MORN3: variants seen among roughly 807,000 people sequenced by gnomAD.
MORN3 encodes the protein MORN repeat-containing protein 3.
A neutral mutation model predicts 34.7 loss-of-function variants in MORN3; 38 were observed. That is an observed-to-expected ratio of 1.10 (90% CI 0.85 to 1.44). The LOEUF (loss-of-function observed/expected upper bound fraction) is 1.44. Ranked by LOEUF, MORN3 falls within the 40% of genes most tolerant of loss-of-function variation. The pLI, the probability that MORN3 is intolerant of heterozygous loss-of-function variation, is 0.00. For missense variants in MORN3, 311 were observed against 321.7 expected (o/e 0.97, Z 0.25); for synonymous variants, 109 against 115.3 (o/e 0.95, Z 0.35).
chr12:121,664,167 C>T (rs1019293691), intron 1 of MORN3, among the ~76,000 whole-genome samples: 3 of 152,134 alleles, frequency 2.0e-5, no homozygotes, highest in Non-Finnish European at 4.4e-5. Flanking sequence ...AAAATGGAGA[C>T]ATGGAGGGAG....
At position 121,651,587 on chromosome 12, in the gene MORN3, A is replaced by G. The variant is rs376266098; in HGVS notation, c.*64T>C. On this transcript the variant is annotated 3_prime_UTR_variant, in exon 6 of 6. Transcript: ENST00000355329. The stretch of plus-strand genomic sequence containing the variant: ...TGCTGACTCCTCCAGCCAGAGCCGC[A>G]CTGGTCTGAGCGATCGGGTGACACA... The G allele has an allele frequency of 2.0e-5, 3 of 152,506 alleles. No homozygotes were observed. Among genetic ancestry groups the G allele is most frequent in the East Asian group, 3.9e-4 (2 of 5,176 alleles). The allele number at this position is 152,506 out of a possible 1,614,324, so 9.4% of individuals were successfully genotyped here. A position where few individuals can be genotyped will look rare whatever the true frequency, so the allele number is the denominator to read the frequency against.
chr12:121,663,198 A>AC lies in MORN3; in HGVS notation c.146-3851dup, dbSNP rs1274909900. On this transcript the variant is annotated intron_variant, in intron 1 of 5. Transcript: ENST00000355329. ...TTGTACTAATAATTTCGAAATGTAGACTTTTTTTTTTTTTTTTGAGACAGA... is the reference window on the plus strand; with the variant it reads ...TTGTACTAATAATTTCGAAATGTAGACCTTTTTTTTTTTTTTTTGAGACAGA... Among the ~76,000 whole-genome samples the AC allele has an allele frequency of 3.3e-4, 47 of 141,676 alleles. No homozygotes were observed. The East Asian group carries it at 9.4e-3, about 28-fold the overall frequency. The allele number at this position is 141,676 out of a possible 152,430, so 92.9% of individuals were successfully genotyped here.
chr12:121,653,727 C>T (rs571405052), intron 3 of MORN3, among the ~76,000 whole-genome samples: 5 of 152,254 alleles, frequency 3.3e-5, no homozygotes, highest in Non-Finnish European at 7.4e-5. Context: ...AGGCTGATCT[C>T]AAACTCCTGA....
At chr12:121,661,087 C>T (rs969748223) in intron 1 of MORN3, among the ~76,000 whole-genome samples, 1 of 151,938 alleles carries the variant, frequency 6.6e-6, no homozygotes, top group Non-Finnish European at 1.5e-5. Flanking sequence ...TCCTGAGTAG[C>T]TGAGACCACA....
intron 2 of MORN3, among the ~76,000 whole-genome samples, chr12:121,657,607 C>A (rs1594225855): frequency 6.6e-6 from 1 of 152,014 alleles, no homozygotes; most frequent in East Asian, 1.9e-4. Flanking sequence ...GTGGCTCATG[C>A]CCGTAATCTT....
At chr12:121,657,083 T>G (rs1304061431) in intron 2 of MORN3, among the ~76,000 whole-genome samples, 1 of 152,210 alleles carries the variant, frequency 6.6e-6, no homozygotes, top group African/African-American at 2.4e-5. Context: ...GACTCCATCT[T>G]GCTTCTAACC....
chr12:121,654,522 A>C, intron 2 of MORN3, 89 bp from the exon 3 acceptor site: 2 of 1,367,970 alleles, frequency 1.5e-6, no homozygotes, highest in South Asian at 1.5e-5. Flanking sequence ...AGAGCCACAC[A>C]CCCCAGCTTC....
chr12:121,669,640 C>G lies in MORN3; in HGVS notation c.-157G>C, dbSNP rs1893888380. 20 of 1,055,530 alleles carry G rather than the reference C, an allele frequency of 1.9e-5. No homozygotes were observed. In the South Asian group the frequency reaches 2.6e-4, roughly 14 times the overall value. 65.4% of individuals were successfully genotyped at this position (1,055,530 alleles called of 1,614,324 possible). A position where few individuals can be genotyped will look rare whatever the true frequency, so the allele number is the denominator to read the frequency against. ...AGGTGAACAGCCCTTAGTGGGGATC[C>G]TTTAGTGCTGGACTGACCTTTGGTT... is the stretch of plus-strand genomic sequence containing the variant. On this transcript the variant is annotated 5_prime_UTR_variant, in exon 1 of 6. Transcript: ENST00000355329.
chr12:121,671,866 G>A (rs1893978101), upstream of MORN3, among the ~76,000 whole-genome samples: 1 of 141,952 alleles, frequency 7.0e-6, no homozygotes, highest in African/African-American at 2.8e-5. Context: ...GGCAAAAAGA[G>A]TGAAACTCCG....
At chr12:121,668,059 G>A (rs1253581841) in intron 1 of MORN3, among the ~76,000 whole-genome samples, 1 of 149,772 alleles carries the variant, frequency 6.7e-6, no homozygotes, top group African/African-American at 2.5e-5. Flanking sequence ...TAGTAGAGAT[G>A]GGATTTCACC....
At chr12:121,664,279 A>G (rs567305580) in intron 1 of MORN3, among the ~76,000 whole-genome samples, 89 of 152,300 alleles carry the variant, frequency 5.8e-4, no homozygotes, top group Non-Finnish European at 1.2e-3. Context: ...CAAATGAAAG[A>G]GGCCTGATGA....
rs142355942 is a variant in MORN3 at position 121,669,454 on chromosome 12, C to G, written c.30G>C (p.Ser10=). 1 of 1,613,954 alleles carries G rather than the reference C, an allele frequency of 6.2e-7. No individual in the cohort carries two copies. Among genetic ancestry groups the G allele is most frequent in the East Asian group, 2.2e-5 (1 of 44,842 alleles). ...GGTCCCACCCCTTCCACAGGGACTC[C>G]GACTTTTTTGGGCACTTAGAGACTG... is the stretch of plus-strand genomic sequence containing the variant. The part of the protein sequence containing the change: MPVSKCPKK[S]ESLWKGWDRK... The change falls in exon 1 of 6, where the codon TCG becomes TCC. Residue 10 remains serine (S), a synonymous_variant. Coordinates refer to ENST00000355329, the MANE Select transcript of MORN3 (RefSeq NM_173855.5).
upstream of MORN3, among the ~76,000 whole-genome samples, chr12:121,672,274 C>A (rs1026605148): frequency 6.6e-6 from 1 of 151,414 alleles, no homozygotes. Context: ...GCCTGGGCAA[C>A]CATAGTGAGA....
chr12:121,652,899 C>T, intron 4 of MORN3, 91 bp from the exon 5 acceptor site: 2 of 1,489,354 alleles, frequency 1.3e-6, no homozygotes, highest in South Asian at 2.3e-5. Context: ...TGGGGTGCTG[C>T]CAGCCTCATC....
upstream of MORN3, among the ~76,000 whole-genome samples, chr12:121,669,869 TTATG>T (rs1179005428): frequency 4.9e-5 from 7 of 143,230 alleles, no homozygotes; most frequent in East Asian, 1.4e-3. Flanking sequence ...TTTTATTTAT[TTATG>T]TATTTATTTA....
chr12:121,669,612 G>A lies in MORN3; in HGVS notation c.-129C>T. On this transcript the variant is annotated 5_prime_UTR_variant, in exon 1 of 6. Coordinates refer to ENST00000355329, the MANE Select transcript of MORN3 (RefSeq NM_173855.5). ...AGTCATGTGTGTTCTGAGTCCCTGGGGCAGGTGAACAGCCCTTAGTGGGGA... is the reference window on the plus strand; with the variant it reads ...AGTCATGTGTGTTCTGAGTCCCTGGAGCAGGTGAACAGCCCTTAGTGGGGA... 7.4e-7 allele frequency: 1 copy of A among 1,342,492 alleles called. No individual in the cohort carries two copies. The highest frequency in any genetic ancestry group is 1.3e-5 in the South Asian group (1 of 78,340). The allele number at this position is 1,342,492 out of a possible 1,614,324, so 83.2% of individuals were successfully genotyped here. A position where few individuals can be genotyped will look rare whatever the true frequency, so the allele number is the denominator to read the frequency against.
chr12:121,672,572 C>G (rs1325680157), upstream of MORN3: 1 of 152,368 alleles, frequency 6.6e-6, no homozygotes, highest in East Asian at 1.9e-4. Flanking sequence ...GGCTCACCTG[C>G]GCTCACCTGC....
intron 3 of MORN3, 89 bp downstream of exon 3, chr12:121,654,185 G>T: frequency 1.8e-6 from 2 of 1,094,142 alleles, no homozygotes; most frequent in Non-Finnish European, 1.3e-6. Flanking sequence ...GTGGGGTGTG[G>T]CCTGTCTCTG....
chr12:121,664,691 T>A (rs1049408637), intron 1 of MORN3, among the ~76,000 whole-genome samples: 8 of 151,088 alleles, frequency 5.3e-5, no homozygotes, highest in African/African-American at 1.9e-4. Flanking sequence ...AGCAACAGAG[T>A]GATTGGCTAG....
Sources: allele counts gnomAD v4.1 joint callset (sites outside exome capture counted in the v4.1 genomes callset), GRCh38; gene constraint gnomAD v4.1.1; transcripts MANE v1.5; gene names NCBI Gene and HGNC (gene_info 2026-07-23, HGNC 2026-07-21).